The following PKD2L2 variants were observed in gnomAD, a reference collection of about 807,000 sequenced individuals.
PKD2L2 encodes the protein polycystin-2-like protein 2.
In PKD2L2, 67 loss-of-function variants were observed where a neutral mutation model predicts 83.9. That is an observed-to-expected ratio of 0.80 (90% CI 0.66 to 0.98). The LOEUF is 0.98. Ranked by LOEUF, PKD2L2 falls within the 50% of genes least tolerant of loss-of-function variation. The pLI, the probability that PKD2L2 is intolerant of heterozygous loss-of-function variation, is 0.00. For synonymous variants in PKD2L2, 223 were observed against 237.8 expected, an observed-to-expected ratio of 0.94 and a Z score of 0.57; for missense variants, 632 against 717.2, an observed-to-expected ratio of 0.88 and a Z score of 1.36.
chr5:137,923,264 C>T (rs533299726), intron 9 of PKD2L2, among the ~76,000 whole-genome samples, 156 bp from the exon 10 acceptor site: 1 of 152,280 alleles, frequency 6.6e-6, no homozygotes, highest in Non-Finnish European at 1.5e-5. Context: ...GATTCACTCA[C>T]CTTGGTCTCC....
Position 137,908,772 on chromosome 5 carries a change from A to G in PKD2L2, c.1154A>G (p.Lys385Arg). Residue 385 changes from lysine (K) to arginine (R), a missense_variant, in exon 8 of 15, where the codon AAA (lysine) becomes AGA (arginine). By Grantham distance (26) the Lys-to-Arg change is conservative (BLOSUM62 2). This residue lies in a region of PKD2L2 where 399 missense variants were observed against 416.9 expected (regional missense o/e 0.96). Coordinates refer to ENST00000508883, the MANE Select transcript of PKD2L2 (RefSeq NM_001300921.2). ...TIFFAWIKIFKFISFNKTMSQ... is the reference protein window; with the variant it reads ...TIFFAWIKIFRFISFNKTMSQ... ...AACTTTGTTCTTTTTCAGATATTCAAATTCATAAGCTTTAACAAGACAATG... is the reference window on the plus strand; with the variant it reads ...AACTTTGTTCTTTTTCAGATATTCAGATTCATAAGCTTTAACAAGACAATG... The G allele has an allele frequency of 1.3e-6, 2 of 1,520,976 alleles. No homozygotes were observed. The highest frequency in any genetic ancestry group is 2.3e-5 in the East Asian group (1 of 43,044). The allele number at this position is 1,520,976 out of a possible 1,614,324, so 94.2% of individuals were successfully genotyped here. A position where few individuals can be genotyped will look rare whatever the true frequency, so the allele number is the denominator to read the frequency against.
At chr5:137,920,296 TTAA>T (rs1442747947) in intron 8 of PKD2L2, among the ~76,000 whole-genome samples, 26 of 152,290 alleles carry the variant, frequency 1.7e-4, no homozygotes, top group Admixed American at 3.9e-4. Context: ...CCACTGCAAG[TTAA>T]TAATGAGAAA....
chr5:137,901,618 A>G (rs910004171), intron 5 of PKD2L2, among the ~76,000 whole-genome samples: 18 of 152,228 alleles, frequency 1.2e-4, no homozygotes, highest in Non-Finnish European at 2.9e-5. Flanking sequence ...TTGGTTGTAC[A>G]ACAAGAAGGC....
At chr5:137,933,846 C>T (rs1299988612) in intron 12 of PKD2L2, among the ~76,000 whole-genome samples, 2 of 152,184 alleles carry the variant, frequency 1.3e-5, no homozygotes, top group Admixed American at 6.5e-5. Flanking sequence ...CACCTCAACA[C>T]ATAAATAACC....
chr5:137,908,888 T>A lies in PKD2L2; in HGVS notation c.1270T>A (p.Leu424Ile), dbSNP rs1270485314. ...TATAATATTCTTTGCTTATGCCCAG[T>A]TAGGATTTCTTGTTTTTGGATCACA... ...FFIIFFAYAQ[L>I]GFLVFGSQVD... Residue 424 changes from leucine to isoleucine, a missense_variant, in exon 8 of 15, where the codon TTA becomes ATA. Around this residue, in one of 3 missense-constraint regions of PKD2L2, gnomAD observed 399 missense variants for 416.9 expected, o/e 0.96. Coordinates refer to ENST00000508883, the MANE Select transcript of PKD2L2 (RefSeq NM_001300921.2). 1 of 1,609,430 alleles carries A rather than the reference T, an allele frequency of 6.2e-7. No individual in the cohort carries two copies. The highest frequency in any genetic ancestry group is 1.3e-5 in the African/African-American group (1 of 74,852).
In PKD2L2 at chr5:137,894,499, C is replaced by T. The variant is rs1296382918; in HGVS notation, c.414C>T (p.Asn138=). ...GAGTTCGTCAACTAAAAGTCCGCAA[C>T]AACACATGCAAAGTCTATTCATCTT... ...VPRVRQLKVR[N]NTCKVYSSFQ... is the part of the protein sequence containing the mutation. The change falls in exon 4 of 15, where the codon AAC becomes AAT. Residue 138 remains asparagine, a synonymous_variant. Coordinates refer to ENST00000508883, the MANE Select transcript of PKD2L2 (RefSeq NM_001300921.2). 2.5e-6 allele frequency: 4 copies of T among 1,613,876 alleles called. No individual in the cohort carries two copies. The highest frequency in any genetic ancestry group is 2.5e-6 in the Non-Finnish European group (3 of 1,179,830).
Position 137,942,390 on chromosome 5 carries a change from A to G in PKD2L2, c.*24A>G. ...TGTTTGTTTCCTTTTTTAGAGACAG[A>G]GTCTCACTCTGTCGCCCAGGCTGGA... On this transcript the variant is annotated 3_prime_UTR_variant, in exon 15 of 15. Transcript: ENST00000508883. 4.1e-6 allele frequency: 1 copy of G among 246,556 alleles called. No individual in the cohort carries two copies. 15.3% of individuals were successfully genotyped at this position (246,556 alleles called of 1,614,324 possible).
In PKD2L2 at chr5:137,893,721, G is replaced by A. The variant is rs79587505; in HGVS notation, c.268-632G>A. The stretch of plus-strand genomic sequence containing the variant: ...GCAGGAATTTGAAACTTATCAAGGA[G>A]ACACGGTCATTTCCTGGAAGAGGGC... On this transcript the variant is annotated intron_variant, in intron 3 of 14. Transcript: ENST00000508883. 9.8e-5 allele frequency among the ~76,000 whole-genome samples: 15 copies of A among 152,302 alleles called. No individual in the cohort carries two copies. The East Asian group carries it at 2.9e-3, about 29-fold the overall frequency.
At chr5:137,906,503 A>G (rs769908417) in intron 6 of PKD2L2, 69 bp downstream of exon 6, 7 of 742,508 alleles carry the variant, frequency 9.4e-6, no homozygotes, top group Non-Finnish European at 1.5e-5. Context: ...GAGGTGTAAA[A>G]AGACAGAATC....
intron 8 of PKD2L2, among the ~76,000 whole-genome samples, chr5:137,912,347 G>C (rs1757907191): frequency 6.6e-6 from 1 of 152,076 alleles, no homozygotes; most frequent in Non-Finnish European, 1.5e-5. Flanking sequence ...CATTCTAACA[G>C]GTGTGAGGTG....
chr5:137,916,475 CTTTTTTTTTTTTT>C (rs1169529107), intron 8 of PKD2L2, among the ~76,000 whole-genome samples: 2 of 93,216 alleles, frequency 2.1e-5, no homozygotes, highest in Non-Finnish European at 2.0e-5. Flanking sequence ...CACTTTTCTT[CTTTTTTTTTTTTT>C]TTTTTTTTTG....
At chr5:137,914,799 T>C (rs1423898799) in intron 8 of PKD2L2, among the ~76,000 whole-genome samples, 2 of 152,194 alleles carry the variant, frequency 1.3e-5, no homozygotes, top group Non-Finnish European at 2.9e-5. Flanking sequence ...TTAAGGGACA[T>C]TCTTTCTATA....
In PKD2L2 at chr5:137,936,384, G is replaced by A. The variant is rs1760396961; in HGVS notation, c.1849G>A (p.Val617Met). 1 of 1,534,218 alleles carries A rather than the reference G, an allele frequency of 6.5e-7. No homozygotes were observed. The highest frequency in any genetic ancestry group is 1.2e-5 in the South Asian group (1 of 84,030). The change falls in exon 14 of 15, where the codon GTG (valine) becomes ATG (methionine). Residue 617 changes from valine (V) to methionine (M), a missense_variant. Around this residue, in one of 3 missense-constraint regions of PKD2L2, gnomAD observed 399 missense variants for 416.9 expected, o/e 0.96. Transcript: ENST00000508883. ...CTACATCAATTTGAAGCTAAATCAA[G>A]TGGTGAGAAAGGTTTCAGCTCTATA... ...LHYINLKLNQ[V>M]VRKVSAL
chr5:137,920,664 G>A (rs1007669613), intron 8 of PKD2L2, among the ~76,000 whole-genome samples: 2 of 151,994 alleles, frequency 1.3e-5, no homozygotes, highest in African/African-American at 4.8e-5. Context: ...GGCTGAGGCA[G>A]GAGAATTGCT....
At chr5:137,889,609 G>A (rs373123546) in intron 1 of PKD2L2, 87 bp downstream of exon 1, 3 of 1,225,462 alleles carry the variant, frequency 2.4e-6, no homozygotes, top group East Asian at 2.9e-5. Context: ...CCCCAAATTC[G>A]TTTGAGAGAT....
At chr5:137,913,491 ATT>A (rs35300343) in intron 8 of PKD2L2, among the ~76,000 whole-genome samples, 13 of 132,410 alleles carry the variant, frequency 9.8e-5, no homozygotes, top group Admixed American at 3.1e-4. Context: ...GCCATGGCTA[ATT>A]TTTTTTTTTT....
intron 12 of PKD2L2, 142 bp downstream of exon 12, chr5:137,926,071 A>C: frequency 1.8e-6 from 1 of 565,216 alleles, no homozygotes; most frequent in Non-Finnish European, 3.2e-6. Context: ...CCCAGAATCT[A>C]GATCCTTTCA....
At position 137,941,891 on chromosome 5, in the gene PKD2L2, C is replaced by A; in HGVS notation, c.*18-493C>A. ...GTATTCCATTATTTCAACATATGGT[C>A]AGTTTGTGAGTTAGAGAAGAAAGAT... is the stretch of plus-strand genomic sequence containing the variant. On this transcript the variant is annotated intron_variant, in intron 14 of 14. Coordinates refer to ENST00000508883, the MANE Select transcript of PKD2L2 (RefSeq NM_001300921.2). 3 of 1,378,858 alleles carry A rather than the reference C, an allele frequency of 2.2e-6. No individual in the cohort carries two copies. In the South Asian group the frequency reaches 3.6e-5, roughly 16 times the overall value. The allele number at this position is 1,378,858 out of a possible 1,614,324, so 85.4% of individuals were successfully genotyped here. A position where few individuals can be genotyped will look rare whatever the true frequency, so the allele number is the denominator to read the frequency against.
rs1329444050 is a variant in PKD2L2 at position 137,906,383 on chromosome 5, GT to G, written c.925del (p.Ser309LeufsTer11). On this transcript the variant is annotated frameshift_variant, in exon 6 of 15. Transcript: ENST00000508883. LOFTEE classifies it high-confidence loss of function. ...AAGTCAAAAAAATAAAAGAATTTAA[GT>G]CTGCCTATTTCAAAAGTATTTGGAA... ...QEVKKIKEFK[S>X]AYFKSIWNWL... 6.2e-7 allele frequency: 1 copy of G among 1,610,800 alleles called. No individual in the cohort carries two copies. The highest frequency in any genetic ancestry group is 8.5e-7 in the Non-Finnish European group (1 of 1,177,566).
Sources: allele counts gnomAD v4.1 joint callset (sites outside exome capture counted in the v4.1 genomes callset), GRCh38; gene constraint gnomAD v4.1.1; regional missense constraint gnomAD v4.1.1; transcripts MANE v1.5; gene names NCBI Gene and HGNC (gene_info 2026-07-23, HGNC 2026-07-21).